MACROD2: variants seen among roughly 807,000 people sequenced by gnomAD.
MACROD2 encodes ADP-ribose glycohydrolase MACROD2.
In MACROD2, 36 loss-of-function variants were observed where a neutral mutation model predicts 70.4. The ratio of observed to expected loss-of-function variants is 0.51; its 90% CI spans 0.39 to 0.68. The LOEUF (loss-of-function observed/expected upper bound fraction) is 0.68, where lower values mean the gene tolerates loss of function less well. Ranked by LOEUF, MACROD2 falls within the 30% of genes least tolerant of loss-of-function variation. The probability of loss-of-function intolerance (pLI) is 0.00; values close to 1 mark genes in which losing one functional copy is unlikely to be tolerated. For synonymous variants in MACROD2, 172 were observed against 178.8 expected, an observed-to-expected ratio of 0.96 and a Z score of 0.30; for missense variants, 496 against 538.4, an observed-to-expected ratio of 0.92 and a Z score of 0.78.
intron 3 of MACROD2, among the ~76,000 whole-genome samples, chr20:14,267,778 T>C (rs771849717): frequency 2.0e-5 from 3 of 152,090 alleles, no homozygotes; most frequent in Non-Finnish European, 4.4e-5. Context: ...CTGTTGATTC[T>C]AACCTTTTGG....
intron 6 of MACROD2, among the ~76,000 whole-genome samples, chr20:15,314,849 G>A (rs2077791950): frequency 6.6e-6 from 1 of 152,198 alleles, no homozygotes; most frequent in African/African-American, 2.4e-5. Flanking sequence ...ATATACTGGA[G>A]AGATTAAAAA....
intron 7 of MACROD2, among the ~76,000 whole-genome samples, chr20:15,479,524 C>T (rs190227944): frequency 0.011 from 1,606 of 152,058 alleles, 12 homozygotes; most frequent in South Asian, 0.018. Context: ...CCGCCCGCCT[C>T]GGCCTCCCAA....
chr20:14,522,489 A>G (rs761216599), intron 4 of MACROD2, among the ~76,000 whole-genome samples: 12 of 152,158 alleles, frequency 7.9e-5, no homozygotes, highest in Non-Finnish European at 1.6e-4. Context: ...TACAGAAACT[A>G]TCTTGGGTAA....
chr20:15,590,908 GAGGAAGGA>G (rs889960644), intron 8 of MACROD2, among the ~76,000 whole-genome samples: 1 of 147,174 alleles, frequency 6.8e-6, no homozygotes, highest in South Asian at 2.1e-4. Context: ...GAGAGAGAGA[GAGGAAGGA>G]AGGAAAGAAG....
intron 3 of MACROD2, among the ~76,000 whole-genome samples, chr20:14,469,854 C>T (rs1377040461): frequency 2.0e-5 from 3 of 152,016 alleles, no homozygotes; most frequent in Non-Finnish European, 2.9e-5. Context: ...TTCTTAGCTT[C>T]CTTGTATTAG....
intron 8 of MACROD2, among the ~76,000 whole-genome samples, chr20:15,771,952 G>GT (rs2051635577): frequency 6.6e-6 from 1 of 150,680 alleles, no homozygotes; most frequent in Non-Finnish European, 1.5e-5. Context: ...GGGCGTAGTG[G>GT]CGGGCACCTG....
chr20:14,719,473 G>GAAAAAAAAAAAAAAAA, intron 5 of MACROD2, among the ~76,000 whole-genome samples: 1 of 136,318 alleles, frequency 7.3e-6, no homozygotes. Flanking sequence ...AAGATAGAAA[G>GAAAAAAAAAAAAAAAA]AAAAAAAAAA....
chr20:15,785,355 A>G (rs1178188254), intron 8 of MACROD2, among the ~76,000 whole-genome samples: 1 of 152,046 alleles, frequency 6.6e-6, no homozygotes, highest in Non-Finnish European at 1.5e-5. Context: ...GATTCATGGG[A>G]ACTGAGAACT....
intron 5 of MACROD2, among the ~76,000 whole-genome samples, chr20:14,694,033 T>C (rs2057576127): frequency 6.6e-6 from 1 of 152,194 alleles, no homozygotes; most frequent in Non-Finnish European, 1.5e-5. Context: ...GCAGGCCCCT[T>C]GTCCTCTAAG....
intron 5 of MACROD2, among the ~76,000 whole-genome samples, chr20:14,710,265 TTGGG>T (rs199763628): frequency 0.032 from 4,918 of 152,234 alleles, 106 homozygotes; most frequent in Non-Finnish European, 0.047. Context: ...AGGATGTACT[TTGGG>T]TGAGTGGTAA....
Position 14,772,966 on chromosome 20 carries a change from C to T in MACROD2, c.418+88007C>T, listed in dbSNP as rs537763250. Among the ~76,000 whole-genome samples, 16 of 152,052 alleles carry T rather than the reference C, an allele frequency of 1.1e-4. No homozygotes were observed. In the East Asian group the frequency reaches 2.3e-3, roughly 22 times the overall value. ...TTTAGCAACTCCAAGACATCAGGGT[C>T]GAGGTCAGTATGATTCTCCTGACTT... On this transcript the variant is annotated intron_variant, in intron 5 of 17. Transcript: ENST00000684519.
At chr20:15,921,966 AG>A (rs2065415375) in intron 10 of MACROD2, among the ~76,000 whole-genome samples, 1 of 152,216 alleles carries the variant, frequency 6.6e-6, no homozygotes, top group African/African-American at 2.4e-5. Context: ...ATGCCAGGGT[AG>A]GGGTATTTGT....
intron 4 of MACROD2, among the ~76,000 whole-genome samples, chr20:14,584,796 C>G (rs1193684735): frequency 6.6e-6 from 1 of 152,118 alleles, no homozygotes; most frequent in Non-Finnish European, 1.5e-5. Context: ...TTATACCTAG[C>G]AATCCAGTGA....
At chr20:15,961,499 GC>G (rs1294561688) in intron 12 of MACROD2, among the ~76,000 whole-genome samples, 1 of 152,186 alleles carries the variant, frequency 6.6e-6, no homozygotes, top group African/African-American at 2.4e-5. Flanking sequence ...AGCAATCTGA[GC>G]CCAGCAGTTG....
intron 8 of MACROD2, among the ~76,000 whole-genome samples, chr20:15,529,232 GT>G (rs1244608241): frequency 2.0e-5 from 3 of 151,984 alleles, no homozygotes; most frequent in African/African-American, 7.3e-5. Context: ...AAACAGTCCT[GT>G]TTAGCATTTT....
intron 8 of MACROD2, among the ~76,000 whole-genome samples, chr20:15,831,609 G>T (rs2064057022): frequency 6.6e-6 from 1 of 152,134 alleles, no homozygotes; most frequent in Non-Finnish European, 1.5e-5. Flanking sequence ...TGCCCAGCTT[G>T]GAGGTTCTGC....
intron 5 of MACROD2, among the ~76,000 whole-genome samples, chr20:14,995,949 A>G (rs1047960373): frequency 4.6e-5 from 7 of 152,216 alleles, no homozygotes; most frequent in Non-Finnish European, 1.5e-5. Context: ...AACAAAGGTA[A>G]TAAAGGTAAG....
rs1301674105 is a variant in MACROD2 at position 14,231,735 on chromosome 20, A to C, written c.271+146007A>C. Reference sequence around the variant, plus strand: ...GCCACACTGACTTCCACAATGGTTGAACTAGTTTACAGTCCCATCAACAGT... The same window carrying C: ...GCCACACTGACTTCCACAATGGTTGCACTAGTTTACAGTCCCATCAACAGT... On this transcript the variant is annotated intron_variant, in intron 3 of 17. Transcript: ENST00000684519. 2.0e-5 allele frequency among the ~76,000 whole-genome samples: 3 copies of C among 152,182 alleles called. No homozygotes were observed. The East Asian group carries it at 5.8e-4, about 29-fold the overall frequency.
chr20:14,761,410 C>G (rs1451173179), intron 5 of MACROD2, among the ~76,000 whole-genome samples: 1 of 152,074 alleles, frequency 6.6e-6, no homozygotes, highest in Non-Finnish European at 1.5e-5. Context: ...TAAAAGCTGA[C>G]GAATTGCTCA....
Sources: gnomAD v4.1 joint callset for allele counts (sites outside exome capture counted in the v4.1 genomes callset) on GRCh38, gnomAD v4.1.1 for gene constraint, MANE v1.5 for transcripts, NCBI Gene and HGNC (gene_info 2026-07-23, HGNC 2026-07-21) for gene names.